The following AKAP11 variants were observed in gnomAD, a reference collection of about 807,000 sequenced individuals.
AKAP11 encodes the protein A-kinase anchor protein 11.
AKAP11 carries 36 observed loss-of-function variants against 146.1 expected under a neutral mutation model. That is an observed-to-expected ratio of 0.25 (90% CI 0.19 to 0.33). AKAP11 has a LOEUF of 0.33. Among genes scored for constraint, AKAP11 ranks in the 10% least tolerant of loss-of-function variants. The probability of loss-of-function intolerance (pLI) is 1.00; values close to 1 mark genes in which losing one functional copy is unlikely to be tolerated. For synonymous variants in AKAP11, 780 were observed against 786.5 expected, an observed-to-expected ratio of 0.99 and a Z score of 0.14; for missense variants, 2,201 against 2,197.0, an observed-to-expected ratio of 1.00 and a Z score of -0.04.
chr13:42,310,613 G>A lies in AKAP11; in HGVS notation c.5273+2004G>A, dbSNP rs1032795207. Reference sequence around the variant, plus strand: ...CACGCCTGTAATCCCAGAACTCTGGGAAGCCAATGGGGGTGGGGGTGGATC... The same window carrying A: ...CACGCCTGTAATCCCAGAACTCTGGAAAGCCAATGGGGGTGGGGGTGGATC... On this transcript the variant is annotated intron_variant, in intron 9 of 12. Coordinates refer to ENST00000025301, the MANE Select transcript of AKAP11 (RefSeq NM_016248.4). 9.9e-5 allele frequency among the ~76,000 whole-genome samples: 15 copies of A among 152,102 alleles called. No individual in the cohort carries two copies. In the South Asian group the frequency reaches 3.1e-3, roughly 32 times the overall value.
intron 3 of AKAP11, among the ~76,000 whole-genome samples, chr13:42,289,060 A>G (rs1014526545): frequency 6.6e-6 from 1 of 152,174 alleles, no homozygotes; most frequent in Non-Finnish European, 1.5e-5. Context: ...TGGTTAGCAC[A>G]TAATCTGTGA....
At chr13:42,272,045 C>T (rs1435130639), upstream of AKAP11, 1 of 137,658 alleles carries the variant, frequency 7.3e-6, no homozygotes. Flanking sequence ...TGTTGCGGGC[C>T]GGAGCTGCGG....
intron 6 of AKAP11, 136 bp from the exon 7 acceptor site, chr13:42,298,397 A>G: frequency 1.1e-6 from 1 of 909,576 alleles, no homozygotes; most frequent in Non-Finnish European, 1.6e-6. Flanking sequence ...AAACATTACA[A>G]AACCAAGGAG....
chr13:42,271,533 G>T (rs1958767976), upstream of AKAP11, among the ~76,000 whole-genome samples: 1 of 152,218 alleles, frequency 6.6e-6, no homozygotes, highest in African/African-American at 2.4e-5. Flanking sequence ...CGGATCTGGT[G>T]GGGCTGCCAC....
In AKAP11 at chr13:42,308,457, A is replaced by G; in HGVS notation, c.5121A>G (p.Ser1707=). ...TTTCTTTTTTTCTTCTTTTTAGTTC[A>G]AAAGAAATAGAAGACTTTCAGTCAA... ...VTNVGHAVSS[S]KEIEDFQSTE... The change falls in exon 9 of 13, where the codon TCA becomes TCG. Residue 1707 remains serine, a synonymous_variant. Coordinates refer to ENST00000025301, the MANE Select transcript of AKAP11 (RefSeq NM_016248.4). 6.3e-7 allele frequency: 1 copy of G among 1,575,560 alleles called. No homozygotes were observed. Among genetic ancestry groups the G allele is most frequent in the Non-Finnish European group, 8.6e-7 (1 of 1,160,230 alleles).
At chr13:42,292,716 TCAAA>T (rs1213963495) in intron 4 of AKAP11, among the ~76,000 whole-genome samples, 2 of 152,206 alleles carry the variant, frequency 1.3e-5, no homozygotes, top group Non-Finnish European at 2.9e-5. Flanking sequence ...GACAATGAAC[TCAAA>T]CAAATGAGCA....
At chr13:42,304,823 T>C (rs1052527570) in intron 8 of AKAP11, among the ~76,000 whole-genome samples, 1 of 151,918 alleles carries the variant, frequency 6.6e-6, no homozygotes, top group African/African-American at 2.4e-5. Context: ...CAATCTCAGC[T>C]CACTGCAACC....
rs769001565 is a variant in AKAP11 at position 42,302,263 on chromosome 13, G to A, written c.3517G>A (p.Glu1173Lys). 3.1e-6 allele frequency: 5 copies of A among 1,614,188 alleles called. No homozygotes were observed. The highest frequency in any genetic ancestry group is 4.2e-6 in the Non-Finnish European group (5 of 1,180,040). ...MLKLMRSLSE[E>K]VESSESGELP... Reference sequence around the variant, plus strand: ...GAAACTCATGCGATCTCTTTCTGAAGAAGTTGAGAGTAGTGAAAGTGGAGA... The same window carrying A: ...GAAACTCATGCGATCTCTTTCTGAAAAAGTTGAGAGTAGTGAAAGTGGAGA... The change falls in exon 8 of 13, where the codon GAA becomes AAA. Residue 1173 changes from glutamate to lysine, a missense_variant. By Grantham distance (56) the Glu-to-Lys change is moderately conservative. Coordinates refer to ENST00000025301, the MANE Select transcript of AKAP11 (RefSeq NM_016248.4).
chr13:42,284,029 G>A (rs542811125), intron 1 of AKAP11, among the ~76,000 whole-genome samples: 8 of 152,204 alleles, frequency 5.3e-5, no homozygotes, highest in Non-Finnish European at 8.8e-5. Context: ...GCTGGAGTTA[G>A]AAAATTTGGA....
intron 6 of AKAP11, 96 bp downstream of exon 6, chr13:42,297,278 GT>G: frequency 8.1e-6 from 8 of 982,348 alleles, no homozygotes; most frequent in Non-Finnish European, 1.1e-5. Context: ...GATGACATTT[GT>G]TTTTTTTAAA....
At chr13:42,307,878 A>T (rs1960350385) in intron 8 of AKAP11, among the ~76,000 whole-genome samples, 1 of 152,210 alleles carries the variant, frequency 6.6e-6, no homozygotes, top group South Asian at 2.1e-4. Context: ...ATGTAGTGGG[A>T]CAATTAAAAT....
chr13:42,305,998 A>G (rs1960234647), intron 8 of AKAP11, among the ~76,000 whole-genome samples: 1 of 152,080 alleles, frequency 6.6e-6, no homozygotes. Context: ...AGCATGGAGG[A>G]AGCCGCCCTC....
rs1960028968 is a variant in AKAP11 at position 42,302,940 on chromosome 13, G to C, written c.4194G>C (p.Val1398=). The C allele has an allele frequency of 6.2e-7, 1 of 1,613,840 alleles. No individual in the cohort carries two copies. The highest frequency in any genetic ancestry group is 1.7e-5 in the Admixed American group (1 of 59,992). Residue 1398 remains valine, a synonymous_variant, in exon 8 of 13, where the codon GTG becomes GTC. Coordinates refer to ENST00000025301, the MANE Select transcript of AKAP11 (RefSeq NM_016248.4). Reference sequence around the variant, plus strand: ...AGTGCAACTCAAGAATGTTCCCTGTGCCAAGTTCACAAGTGAAAACAAACA... The same window carrying C: ...AGTGCAACTCAAGAATGTTCCCTGTCCCAAGTTCACAAGTGAAAACAAACA... ...KVQCNSRMFP[V]PSSQVKTNKE...
intron 4 of AKAP11, among the ~76,000 whole-genome samples, chr13:42,293,681 G>T (rs536418195): frequency 6.6e-6 from 1 of 152,204 alleles, no homozygotes; most frequent in South Asian, 2.1e-4. Flanking sequence ...CGGATAGGTC[G>T]CAGTGCTTTT....
chr13:42,274,434 A>G (rs914169024), intron 1 of AKAP11, among the ~76,000 whole-genome samples: 2 of 152,250 alleles, frequency 1.3e-5, no homozygotes, highest in African/African-American at 4.8e-5. Flanking sequence ...TTGTAATCCC[A>G]GGACTTTAGG....
chr13:42,308,442 T>C lies in AKAP11; in HGVS notation c.5118-12T>C, dbSNP rs1960390296. The C allele has an allele frequency of 6.4e-7, 1 of 1,557,948 alleles. No homozygotes were observed. ...TTCAATTTGATTTTTTTTCTTTTTTTCTTCTTTTTAGTTCAAAAGAAATAG... is the reference window on the plus strand; with the variant it reads ...TTCAATTTGATTTTTTTTCTTTTTTCCTTCTTTTTAGTTCAAAAGAAATAG... On this transcript the variant is annotated splice_polypyrimidine_tract_variant and intron_variant, in intron 8 of 12. Transcript: ENST00000025301.
At position 42,300,062 on chromosome 13, in the gene AKAP11, C is replaced by T. The variant is rs949131444; in HGVS notation, c.1316C>T (p.Ala439Val). Residue 439 changes from alanine (A) to valine (V), a missense_variant, in exon 8 of 13, where the codon GCA (alanine) becomes GTA (valine). Transcript: ENST00000025301. ...DAPDSPRPVK[A>V]SREDSGLFSP... ...CCGGATTCTCCTCGCCCAGTGAAGG[C>T]ATCAAGGGAAGATAGTGGTTTATTT... 6.2e-7 allele frequency: 1 copy of T among 1,613,930 alleles called. No homozygotes were observed. Among genetic ancestry groups the T allele is most frequent in the South Asian group, 1.1e-5 (1 of 91,076 alleles).
At position 42,275,906 on chromosome 13, in the gene AKAP11, T is replaced by G. The variant is rs76267861; in HGVS notation, c.-100+3678T>G. On this transcript the variant is annotated intron_variant, in intron 1 of 12. Transcript: ENST00000025301. ...ACTGTGATACAGGCTTCTGGTCGTG[T>G]TCAGAGAGGAAGGAATTTCTGCCCT... 3.9e-4 allele frequency among the ~76,000 whole-genome samples: 60 copies of G among 152,252 alleles called. No individual in the cohort carries two copies. In the East Asian group the frequency reaches 0.012, roughly 29 times the overall value.
chr13:42,302,733 A>G lies in AKAP11; in HGVS notation c.3987A>G (p.Ser1329=). The change falls in exon 8 of 13, where the codon TCA becomes TCG. Residue 1329 remains serine, a synonymous_variant. Coordinates refer to ENST00000025301, the MANE Select transcript of AKAP11 (RefSeq NM_016248.4). ...CATTACCACCAAGTTCTTGTATGTCAGGTCTGATGTATAAGTATCCCAGCT... is the reference window on the plus strand; with the variant it reads ...CATTACCACCAAGTTCTTGTATGTCGGGTCTGATGTATAAGTATCCCAGCT... The part of the protein sequence containing the change: ...ILSLPPSSCM[S]GLMYKYPSCE... 1 of 1,614,122 alleles carries G rather than the reference A, an allele frequency of 6.2e-7. No homozygotes were observed. Among genetic ancestry groups the G allele is most frequent in the South Asian group, 1.1e-5 (1 of 91,074 alleles).
Sources: allele counts gnomAD v4.1 joint callset (sites outside exome capture counted in the v4.1 genomes callset), GRCh38; gene constraint gnomAD v4.1.1; transcripts MANE v1.5; gene names NCBI Gene and HGNC (gene_info 2026-07-23, HGNC 2026-07-21).